APBA1: variants seen among roughly 807,000 people sequenced by gnomAD.
The protein encoded by APBA1 is amyloid beta precursor protein binding family A member 1.
Under a neutral mutation model 86.6 loss-of-function variants are expected in APBA1, and 55 were observed. The observed-to-expected ratio is 0.64, with a 90% CI of 0.51 to 0.80. The LOEUF (loss-of-function observed/expected upper bound fraction) is 0.80, where lower values mean the gene tolerates loss of function less well. APBA1 is among the 30% of genes least tolerant of loss of function. The probability of loss-of-function intolerance (pLI) is 0.00; values close to 1 mark genes in which losing one functional copy is unlikely to be tolerated. For missense variants in APBA1, 1,090 were observed against 1,183.0 expected (o/e 0.92, Z 1.15); for synonymous variants, 511 against 493.9 (o/e 1.03, Z -0.46).
At chr9:69,537,704 A>G (rs898654538) in intron 1 of APBA1, among the ~76,000 whole-genome samples, 1 of 152,018 alleles carries the variant, frequency 6.6e-6, no homozygotes, top group Non-Finnish European at 1.5e-5. Flanking sequence ...TTCTCTGAAA[A>G]CCAATAAGGT....
At chr9:69,591,824 C>T (rs1297167199) in intron 1 of APBA1, among the ~76,000 whole-genome samples, 1 of 152,200 alleles carries the variant, frequency 6.6e-6, no homozygotes, top group Non-Finnish European at 1.5e-5. Context: ...AGGCCTTTCC[C>T]ATGTGATAGG....
At position 69,579,779 on chromosome 9, in the gene APBA1, T is replaced by G. The variant is rs143882492; in HGVS notation, c.-69-62500A>C. ...AATAAGATGGAAAGAGGAAAACAAG[T>G]GGGTCAAGGAAGAGGAAGGAGAGGA... On this transcript the variant is annotated intron_variant, in intron 1 of 12. Transcript: ENST00000265381. Among the ~76,000 whole-genome samples, 1,228 of 152,196 alleles carry G rather than the reference T, an allele frequency of 8.1e-3. 18 individuals carry two copies. Among genetic ancestry groups the G allele is most frequent in the African/African-American group, 0.028 (1,167 of 41,504 alleles).
chr9:69,635,774 T>C (rs1051700695), intron 1 of APBA1, among the ~76,000 whole-genome samples: 2 of 151,762 alleles, frequency 1.3e-5, no homozygotes, highest in Non-Finnish European at 2.9e-5. Context: ...GATAAAGGGG[T>C]CAATTCAGCA....
intron 1 of APBA1, among the ~76,000 whole-genome samples, chr9:69,523,496 T>TAC: frequency 7.9e-5 from 1 of 12,684 alleles, no homozygotes; most frequent in African/African-American, 1.7e-4. Flanking sequence ...TATATATATA[T>TAC]GTATATATAT....
At chr9:69,485,911 G>T (rs368549678) in intron 2 of APBA1, among the ~76,000 whole-genome samples, 2 of 151,976 alleles carry the variant, frequency 1.3e-5, no homozygotes, top group South Asian at 4.2e-4. Context: ...AGTGGGTAAA[G>T]GATATAAAAG....
At chr9:69,577,906 C>T (rs1821834347) in intron 1 of APBA1, among the ~76,000 whole-genome samples, 2 of 152,034 alleles carry the variant, frequency 1.3e-5, no homozygotes, top group African/African-American at 4.8e-5. Context: ...CCACAATGCT[C>T]CCAGTGTGGC....
intron 10 of APBA1, among the ~76,000 whole-genome samples, chr9:69,444,322 C>A (rs528465041): frequency 1.2e-4 from 19 of 152,324 alleles, no homozygotes; most frequent in African/African-American, 4.3e-4. Context: ...AGGATCCAGG[C>A]CTTCCATATG....
At chr9:69,532,143 G>A (rs1394727225) in intron 1 of APBA1, among the ~76,000 whole-genome samples, 1 of 151,956 alleles carries the variant, frequency 6.6e-6, no homozygotes, top group Non-Finnish European at 1.5e-5. Context: ...GGTAAGAGAT[G>A]TTGATAGCTG....
chr9:69,670,627 T>C (rs1419961384), intron 1 of APBA1, among the ~76,000 whole-genome samples: 2 of 152,136 alleles, frequency 1.3e-5, no homozygotes, highest in Non-Finnish European at 2.9e-5. Context: ...GCCATCTCCC[T>C]GCCTACCTCT....
rs559115971 is a variant in APBA1 at position 69,458,621 on chromosome 9, C to CA, written c.1483-434dup. Among the ~76,000 whole-genome samples, 441 of 152,210 alleles carry CA rather than the reference C, an allele frequency of 2.9e-3. 3 individuals are homozygous for CA. The highest frequency in any genetic ancestry group is 1.0e-2 in the African/African-American group (414 of 41,534). ...GCTTTTCAAACTTTATTCTGATATG[C>CA]AAAGCTATGAATCTCCCTCTAAGCA... On this transcript the variant is annotated intron_variant, in intron 5 of 12. Coordinates refer to ENST00000265381, the MANE Select transcript of APBA1 (RefSeq NM_001163.4).
At chr9:69,586,790 G>A (rs1042928152) in intron 1 of APBA1, among the ~76,000 whole-genome samples, 1 of 152,132 alleles carries the variant, frequency 6.6e-6, no homozygotes, top group African/African-American at 2.4e-5. Flanking sequence ...GGAAATATAA[G>A]GGAAGACCTG....
At chr9:69,539,471 G>T (rs990541213) in intron 1 of APBA1, among the ~76,000 whole-genome samples, 8 of 152,060 alleles carry the variant, frequency 5.3e-5, no homozygotes, top group Non-Finnish European at 8.8e-5. Flanking sequence ...CTTTCAAAAT[G>T]GATCAAGAAC....
intron 1 of APBA1, among the ~76,000 whole-genome samples, chr9:69,626,061 AC>A (rs1468214074): frequency 2.0e-5 from 3 of 152,302 alleles, no homozygotes; most frequent in Admixed American, 2.0e-4. Flanking sequence ...TTTGTTAAGT[AC>A]AGGTCATGTC....
At chr9:69,462,582 A>G (rs963205446) in intron 5 of APBA1, 3 of 152,246 alleles carry the variant, frequency 2.0e-5, no homozygotes, top group African/African-American at 7.2e-5. Flanking sequence ...GTTAAAGTGA[A>G]TGAAATCTTC....
chr9:69,647,647 T>C (rs1823418508), intron 1 of APBA1, among the ~76,000 whole-genome samples: 1 of 152,202 alleles, frequency 6.6e-6, no homozygotes, highest in South Asian at 2.1e-4. Context: ...ATGCATGCCA[T>C]TAAACAGAAA....
chr9:69,497,013 A>G (rs566687187), intron 2 of APBA1, among the ~76,000 whole-genome samples: 2 of 152,218 alleles, frequency 1.3e-5, no homozygotes, highest in East Asian at 1.9e-4. Flanking sequence ...GTCAGACTCA[A>G]ATAAAACTGC....
chr9:69,439,473 C>T (rs1342498992), intron 11 of APBA1, among the ~76,000 whole-genome samples: 3 of 150,042 alleles, frequency 2.0e-5, no homozygotes, highest in Admixed American at 6.6e-5. Context: ...GGCTTTGTTC[C>T]TATCTATCTA....
intron 1 of APBA1, among the ~76,000 whole-genome samples, chr9:69,630,355 C>G (rs1352035645): frequency 6.6e-6 from 1 of 152,094 alleles, no homozygotes; most frequent in East Asian, 1.9e-4. Flanking sequence ...TAATTGCTCC[C>G]CCTCTCTGCT....
At chr9:69,624,687 G>C (rs1372803622) in intron 1 of APBA1, among the ~76,000 whole-genome samples, 2 of 152,152 alleles carry the variant, frequency 1.3e-5, no homozygotes, top group Non-Finnish European at 2.9e-5. Context: ...AATTACATCA[G>C]TCTTTGCAAC....
Sources: gnomAD v4.1 joint callset for allele counts (sites outside exome capture counted in the v4.1 genomes callset) on GRCh38, gnomAD v4.1.1 for gene constraint, MANE v1.5 for transcripts, NCBI Gene and HGNC (gene_info 2026-07-23, HGNC 2026-07-21) for gene names.